DSCAM: variants seen among roughly 807,000 people sequenced by gnomAD.
DSCAM encodes cell adhesion molecule DSCAM.
In DSCAM, 47 loss-of-function variants were observed where a neutral mutation model predicts 217.7. The observed-to-expected ratio is 0.22, with a 90% confidence interval of 0.17 to 0.28. The LOEUF (loss-of-function observed/expected upper bound fraction) is 0.28. Ranked by LOEUF, DSCAM falls within the 10% of genes least tolerant of loss-of-function variation. The pLI, the probability that DSCAM is intolerant of heterozygous loss-of-function variation, is 1.00. For missense variants in DSCAM, 2,080 were observed against 2,618.3 expected, an observed-to-expected ratio of 0.79 and a Z score of 4.49; for synonymous variants, 1,056 against 1,015.3, an observed-to-expected ratio of 1.04 and a Z score of -0.76.
chr21:40,342,745 CTTTTTTT>C (rs1217476912), intron 6 of DSCAM, among the ~76,000 whole-genome samples: 5 of 67,134 alleles, frequency 7.4e-5, no homozygotes, highest in African/African-American at 2.1e-4. Flanking sequence ...CACACCACGC[CTTTTTTT>C]TTTTTTTTTT....
intron 3 of DSCAM, among the ~76,000 whole-genome samples, chr21:40,620,953 GCA>G (rs1161250340): frequency 2.8e-4 from 43 of 152,186 alleles, no homozygotes; most frequent in African/African-American, 1.0e-3. Context: ...GATCTCAGAT[GCA>G]TTATAAGTGA....
intron 11 of DSCAM, among the ~76,000 whole-genome samples, chr21:40,191,380 AG>A (rs1227380151): frequency 6.6e-6 from 1 of 152,200 alleles, no homozygotes; most frequent in Non-Finnish European, 1.5e-5. Context: ...CTGCATATCA[AG>A]GACAGTTGCT....
At chr21:40,447,147 T>A (rs2075681613) in intron 3 of DSCAM, among the ~76,000 whole-genome samples, 1 of 152,132 alleles carries the variant, frequency 6.6e-6, no homozygotes, top group Non-Finnish European at 1.5e-5. Context: ...CATTTCTTCC[T>A]CAGGGTGGAG....
intron 3 of DSCAM, among the ~76,000 whole-genome samples, chr21:40,519,720 A>G (rs1276459938): frequency 6.6e-6 from 1 of 152,176 alleles, no homozygotes; most frequent in African/African-American, 2.4e-5. Flanking sequence ...TCAAGACCAT[A>G]ACATAAAAAT....
At position 40,044,126 on chromosome 21, in the gene DSCAM, C is replaced by G; in HGVS notation, c.5335G>C (p.Val1779Leu). 1 of 1,614,120 alleles carries G rather than the reference C, an allele frequency of 6.2e-7. No individual in the cohort carries two copies. The highest frequency in any genetic ancestry group is 8.5e-7 in the Non-Finnish European group (1 of 1,180,026). The change falls in exon 31 of 33, where the codon GTA becomes CTA. Residue 1779 changes from valine to leucine, a missense_variant. Around this residue, in one of 5 missense-constraint regions of DSCAM, gnomAD observed 1,144 missense variants for 1,421.1 expected, o/e 0.81. Transcript: ENST00000400454. ...CTGTAACTGTCGCTCTCTTTGTCTA[C>G]TGATCCTGCAGCCCTGGGTGTTGGC... ...RLPTPRAAGS[V>L]DKESDSYSVS...
At chr21:40,199,112 G>T (rs1364263201) in intron 11 of DSCAM, among the ~76,000 whole-genome samples, 1 of 152,170 alleles carries the variant, frequency 6.6e-6, no homozygotes, top group African/African-American at 2.4e-5. Context: ...AGCCCACTCT[G>T]CCCATCATGA....
At chr21:40,132,024 T>C (rs911720273) in intron 19 of DSCAM, among the ~76,000 whole-genome samples, 1 of 152,238 alleles carries the variant, frequency 6.6e-6, no homozygotes, top group Non-Finnish European at 1.5e-5. Context: ...TTTCTGTACA[T>C]TCTTCCAAAA....
intron 1 of DSCAM, among the ~76,000 whole-genome samples, chr21:40,758,492 G>A (rs1263846829): frequency 6.9e-6 from 1 of 143,904 alleles, no homozygotes; most frequent in Non-Finnish European, 1.5e-5. Flanking sequence ...ACTCCAGCCT[G>A]GGCGACAGAG....
chr21:40,723,649 AT>A (rs1204486786), intron 1 of DSCAM, among the ~76,000 whole-genome samples: 2 of 152,314 alleles, frequency 1.3e-5, no homozygotes, highest in East Asian at 3.9e-4. Context: ...TAAAAGAAAA[AT>A]ATTATGGTTT....
rs1429255407 is a variant in DSCAM at position 40,049,210 on chromosome 21, ACT to A, written c.5185+2746_5185+2747del. 3.3e-5 allele frequency among the ~76,000 whole-genome samples: 5 copies of A among 152,252 alleles called. No individual in the cohort carries two copies. The East Asian group carries it at 9.6e-4, about 29-fold the overall frequency. On this transcript the variant is annotated intron_variant, in intron 30 of 32. Transcript: ENST00000400454. ...TAAGCCCCAGGGACAGCATCTCAGC[ACT>A]CTCAGAATGAAATGCACCTGCCAGG...
intron 1 of DSCAM, among the ~76,000 whole-genome samples, chr21:40,792,037 T>G (rs1009991597): frequency 6.6e-6 from 1 of 151,934 alleles, no homozygotes; most frequent in Non-Finnish European, 1.5e-5. Flanking sequence ...TGTTTGGAGG[T>G]AGGTTTTTTC....
At chr21:40,265,098 C>A (rs576769363) in intron 11 of DSCAM, among the ~76,000 whole-genome samples, 1 of 151,780 alleles carries the variant, frequency 6.6e-6, no homozygotes, top group Non-Finnish European at 1.5e-5. Context: ...GAAGCTGAGG[C>A]AGGAGAACCG....
In DSCAM at chr21:40,216,417, G is replaced by T. The variant is rs138802781; in HGVS notation, c.2357-27179C>A. On this transcript the variant is annotated intron_variant, in intron 11 of 32. Transcript: ENST00000400454. ...GCATGAACAACTACACCCAGCCAAT[G>T]ATCCATTTTTTTATGAAATTTATAT... Among the ~76,000 whole-genome samples, 1,405 of 151,986 alleles carry T rather than the reference G, an allele frequency of 9.2e-3. 6 individuals carry two copies. The highest frequency in any genetic ancestry group is 0.017 in the Middle Eastern group (5 of 294).
chr21:40,348,154 T>C (rs1178586627), intron 5 of DSCAM, among the ~76,000 whole-genome samples: 7 of 151,596 alleles, frequency 4.6e-5, no homozygotes, highest in Admixed American at 3.3e-4. Flanking sequence ...ATCAGCCACA[T>C]TATTGCAATC....
intron 11 of DSCAM, among the ~76,000 whole-genome samples, chr21:40,195,930 T>C (rs1452915127): frequency 1.3e-5 from 2 of 152,346 alleles, no homozygotes; most frequent in South Asian, 2.1e-4. Context: ...CACACTTTAA[T>C]GCACAGTGTT....
rs768227942 is a variant in DSCAM at position 40,761,687 on chromosome 21, C to T, written c.44-52916G>A. ...CCTAACAAACTAATACAGAGAGAAA[C>T]GATCCCAATTAGAGAGTGCCCTGGT... is the stretch of plus-strand genomic sequence containing the variant. On this transcript the variant is annotated intron_variant, in intron 1 of 32. Coordinates refer to ENST00000400454, the MANE Select transcript of DSCAM (RefSeq NM_001389.5). Among the ~76,000 whole-genome samples the T allele has an allele frequency of 5.8e-4, 89 of 152,244 alleles. 1 individual carries two copies. The highest frequency in any genetic ancestry group is 3.4e-3 in the Middle Eastern group (1 of 294).
intron 20 of DSCAM, among the ~76,000 whole-genome samples, chr21:40,094,113 C>T (rs756038348): frequency 2.2e-4 from 33 of 152,110 alleles, no homozygotes; most frequent in Non-Finnish European, 4.4e-4. Flanking sequence ...CTTTACATTA[C>T]AGGCCACAGC....
At chr21:40,193,993 T>C (rs774131418) in intron 11 of DSCAM, among the ~76,000 whole-genome samples, 8 of 152,152 alleles carry the variant, frequency 5.3e-5, no homozygotes, top group Non-Finnish European at 1.0e-4. Flanking sequence ...AACTGCAGCA[T>C]TGTTTTGAGG....
chr21:40,243,706 A>G (rs1456855270), intron 11 of DSCAM, among the ~76,000 whole-genome samples: 1 of 152,194 alleles, frequency 6.6e-6, no homozygotes, highest in East Asian at 1.9e-4. Flanking sequence ...ACTGTATTCC[A>G]TGACTTCAGA....
Sources: allele counts gnomAD v4.1 joint callset (sites outside exome capture counted in the v4.1 genomes callset), GRCh38; gene constraint gnomAD v4.1.1; regional missense constraint gnomAD v4.1.1; transcripts MANE v1.5; gene names NCBI Gene and HGNC (gene_info 2026-07-23, HGNC 2026-07-21).